The following ARHGAP22 variants were observed in gnomAD, a reference collection of about 807,000 sequenced individuals.
ARHGAP22 encodes the protein rho GTPase-activating protein 22.
In ARHGAP22, 48 loss-of-function variants were observed where a neutral mutation model predicts 59.1. The observed-to-expected ratio is 0.81, with a 90% CI of 0.64 to 1.03. The LOEUF is 1.03. Ranked by LOEUF, ARHGAP22 falls within the 50% of genes least tolerant of loss-of-function variation. The pLI is 0.00. For synonymous variants in ARHGAP22, 445 were observed against 416.4 expected (o/e 1.07, Z -0.84); for missense variants, 1,015 against 958.7 (o/e 1.06, Z -0.78).
chr10:48,528,249 A>G (rs1198196855), intron 3 of ARHGAP22, among the ~76,000 whole-genome samples: 1 of 152,150 alleles, frequency 6.6e-6, no homozygotes, highest in Non-Finnish European at 1.5e-5. Flanking sequence ...GCTCCTCCCC[A>G]GAATATCCAA....
At chr10:48,642,831 T>C (rs2062109212) in intron 1 of ARHGAP22, among the ~76,000 whole-genome samples, 1 of 152,084 alleles carries the variant, frequency 6.6e-6, no homozygotes, top group African/African-American at 2.4e-5. Flanking sequence ...ATTTTTACAA[T>C]CTACTCATCT....
At chr10:48,656,221 C>T (rs1300698860), upstream of ARHGAP22, 2 of 148,094 alleles carry the variant, frequency 1.4e-5, no homozygotes, top group African/African-American at 5.1e-5. Flanking sequence ...AGCCTGGGCC[C>T]CGCATCCTCA....
intron 2 of ARHGAP22, among the ~76,000 whole-genome samples, chr10:48,565,351 G>A (rs2057983329): frequency 6.6e-6 from 1 of 152,210 alleles, no homozygotes; most frequent in African/African-American, 2.4e-5. Flanking sequence ...AGAAAGGGCA[G>A]TGCTGCAGAA....
chr10:48,459,785 G>T lies in ARHGAP22; in HGVS notation c.558C>A (p.Arg186=). The stretch of plus-strand genomic sequence containing the variant: ...GGAACAGCCCCTCCTCAGTGAGCCC[G>T]CGCTCCCGGATGAAGTCCACACACT... The part of the protein sequence containing the change: ...VEQCVDFIRE[R]GLTEEGLFRM... Residue 186 remains arginine (R), a synonymous_variant, in exon 5 of 10, where the codon CGC becomes CGA. Transcript: ENST00000249601. 1 of 1,613,918 alleles carries T rather than the reference G, an allele frequency of 6.2e-7. No individual in the cohort carries two copies. The highest frequency in any genetic ancestry group is 8.5e-7 in the Non-Finnish European group (1 of 1,180,026).
At chr10:48,643,449 T>C (rs112617785) in intron 1 of ARHGAP22, among the ~76,000 whole-genome samples, 6,702 of 152,250 alleles carry the variant, frequency 0.044, 435 homozygotes, top group African/African-American at 0.15. Flanking sequence ...TCATGTCCTT[T>C]GTAGGGACAT....
At chr10:48,557,264 T>A (rs1312166866) in intron 2 of ARHGAP22, among the ~76,000 whole-genome samples, 1 of 152,092 alleles carries the variant, frequency 6.6e-6, no homozygotes, top group Non-Finnish European at 1.5e-5. Flanking sequence ...CGTTTGCTGT[T>A]TCAGTAACAG....
intron 1 of ARHGAP22, among the ~76,000 whole-genome samples, chr10:48,598,356 A>G (rs979404286): frequency 6.6e-6 from 1 of 152,036 alleles, no homozygotes; most frequent in African/African-American, 2.4e-5. Flanking sequence ...GGCTGGGTGG[A>G]GGGTGGTGGC....
At chr10:48,541,320 C>A (rs2055905961) in intron 3 of ARHGAP22, among the ~76,000 whole-genome samples, 1 of 152,204 alleles carries the variant, frequency 6.6e-6, no homozygotes, top group Non-Finnish European at 1.5e-5. Flanking sequence ...TGAGATCACT[C>A]ATAAAGAATT....
At chr10:48,528,392 C>T (rs2054525831) in intron 3 of ARHGAP22, among the ~76,000 whole-genome samples, 1 of 152,204 alleles carries the variant, frequency 6.6e-6, no homozygotes, top group Non-Finnish European at 1.5e-5. Flanking sequence ...TTCCTTCACT[C>T]ATGTACAAAT....
chr10:48,588,328 C>T (rs1351223228), intron 1 of ARHGAP22, among the ~76,000 whole-genome samples: 2 of 152,228 alleles, frequency 1.3e-5, no homozygotes, highest in African/African-American at 4.8e-5. Context: ...CCTGCAGATG[C>T]TACTGAAGCT....
intron 2 of ARHGAP22, among the ~76,000 whole-genome samples, chr10:48,579,697 C>T (rs748711961): frequency 1.3e-5 from 2 of 152,140 alleles, no homozygotes; most frequent in Non-Finnish European, 2.9e-5. Context: ...GTGAGCTCTG[C>T]GAAGCATCAA....
At chr10:48,481,336 G>T (rs530814338) in intron 3 of ARHGAP22, among the ~76,000 whole-genome samples, 1 of 152,202 alleles carries the variant, frequency 6.6e-6, no homozygotes, top group Admixed American at 6.5e-5. Flanking sequence ...GCGAGATAGG[G>T]AGAGGAAGCC....
At chr10:48,541,339 A>G (rs941124673) in intron 3 of ARHGAP22, among the ~76,000 whole-genome samples, 1 of 152,102 alleles carries the variant, frequency 6.6e-6, no homozygotes, top group African/African-American at 2.4e-5. Context: ...TTTTATCTAC[A>G]TCTTTGTTCT....
intron 1 of ARHGAP22, among the ~76,000 whole-genome samples, chr10:48,630,508 A>G (rs926880560): frequency 2.6e-5 from 4 of 152,228 alleles, no homozygotes; most frequent in Non-Finnish European, 5.9e-5. Context: ...CTGCATAAAG[A>G]TTATGTACAT....
At chr10:48,643,006 C>G (rs534599143) in intron 1 of ARHGAP22, among the ~76,000 whole-genome samples, 7 of 152,296 alleles carry the variant, frequency 4.6e-5, no homozygotes, top group African/African-American at 1.7e-4. Context: ...CATCACTGGC[C>G]ATCAGAGAAA....
At chr10:48,643,571 C>T (rs117120572) in intron 1 of ARHGAP22, among the ~76,000 whole-genome samples, 8,309 of 143,896 alleles carry the variant, frequency 0.058, 256 homozygotes, top group South Asian at 0.085. Context: ...TTTGGACACA[C>T]GAAGGGGAAC....
At chr10:48,506,344 A>G (rs1359896317) in intron 3 of ARHGAP22, among the ~76,000 whole-genome samples, 2 of 152,240 alleles carry the variant, frequency 1.3e-5, no homozygotes, top group African/African-American at 4.8e-5. Context: ...CCTACAGTAC[A>G]AACCTGCACA....
upstream of ARHGAP22, among the ~76,000 whole-genome samples, chr10:48,607,057 C>T (rs2060707971): frequency 6.6e-6 from 1 of 152,152 alleles, no homozygotes; most frequent in South Asian, 2.1e-4. Context: ...CTCATGTCGA[C>T]ACCAGGGTCA....
upstream of ARHGAP22, among the ~76,000 whole-genome samples, chr10:48,654,857 C>CTCTT (rs1441845244): frequency 3.9e-5 from 5 of 128,816 alleles, no homozygotes; most frequent in South Asian, 7.7e-4. Flanking sequence ...TCTTTTCTTT[C>CTCTT]TCTTTCTTTC....
Sources: allele counts gnomAD v4.1 joint callset (sites outside exome capture counted in the v4.1 genomes callset), GRCh38; gene constraint gnomAD v4.1.1; transcripts MANE v1.5; gene names NCBI Gene and HGNC (gene_info 2026-07-23, HGNC 2026-07-21).